The following FAM13A variants were observed in gnomAD, a reference collection of about 807,000 sequenced individuals.
FAM13A encodes the protein family with sequence similarity 13 member A.
In FAM13A, 76 loss-of-function variants were observed where a neutral mutation model predicts 129.6. That is an observed-to-expected ratio of 0.59 (90% CI 0.49 to 0.71). The LOEUF is 0.71. Among genes scored for constraint, FAM13A ranks in the 30% least tolerant of loss-of-function variants. FAM13A has a pLI of 0.00. For missense variants in FAM13A, 1,108 were observed against 1,249.3 expected, an observed-to-expected ratio of 0.89 and a Z score of 1.70; for synonymous variants, 443 against 449.9, an observed-to-expected ratio of 0.98 and a Z score of 0.20.
chr4:88,932,091 TA>T (rs1294390814), intron 5 of FAM13A, among the ~76,000 whole-genome samples: 1 of 152,220 alleles, frequency 6.6e-6, no homozygotes, highest in East Asian at 1.9e-4. Flanking sequence ...ACACTGACAC[TA>T]AGTTGCTACA....
At chr4:88,907,040 T>C (rs1265134951) in intron 5 of FAM13A, among the ~76,000 whole-genome samples, 1 of 152,246 alleles carries the variant, frequency 6.6e-6, no homozygotes, top group African/African-American at 2.4e-5. Flanking sequence ...GCCAAAATAA[T>C]GGCAGAAATT....
Position 89,056,809 on chromosome 4 carries a change from A to G in FAM13A, c.27+129T>C, listed in dbSNP as rs1772244240. ...CATTTAAGTAGATAGGAATTTAAGT[A>G]ACAAATCTTTCCCCACCTCCTGGGA... On this transcript the variant is annotated intron_variant, in intron 1 of 23. Coordinates refer to ENST00000264344, the MANE Select transcript of FAM13A (RefSeq NM_014883.4). 4.5e-6 allele frequency: 4 copies of G among 879,544 alleles called. No individual in the cohort carries two copies. In the South Asian group the frequency reaches 6.8e-5, roughly 15 times the overall value. The allele number at this position is 879,544 out of a possible 1,614,324, so 54.5% of individuals were successfully genotyped here.
At chr4:88,728,841 C>A in intron 23 of FAM13A, 182 bp from the exon 24 acceptor site, 1 of 598,156 alleles carries the variant, frequency 1.7e-6, no homozygotes. Context: ...GAAAATGTTT[C>A]ACCCAGAAGG....
At chr4:88,889,946 T>C (rs563803004) in intron 6 of FAM13A, among the ~76,000 whole-genome samples, 59 of 152,334 alleles carry the variant, frequency 3.9e-4, no homozygotes, top group African/African-American at 1.3e-3. Flanking sequence ...TTGGTCATAA[T>C]TGTAGAACAC....
chr4:88,760,237 G>A (rs1479204882), intron 13 of FAM13A, among the ~76,000 whole-genome samples: 1 of 152,284 alleles, frequency 6.6e-6, no homozygotes, highest in South Asian at 2.1e-4. Context: ...GATGCATGGA[G>A]ACATATTTTC....
At chr4:88,742,163 T>A (rs1045592128) in intron 19 of FAM13A, among the ~76,000 whole-genome samples, 1 of 152,190 alleles carries the variant, frequency 6.6e-6, no homozygotes, top group African/African-American at 2.4e-5. Context: ...ACTAGTTATT[T>A]GGCAGAAACA....
intron 4 of FAM13A, among the ~76,000 whole-genome samples, chr4:88,978,122 A>G (rs1761149606): frequency 6.6e-6 from 1 of 152,184 alleles, no homozygotes; most frequent in South Asian, 2.1e-4. Context: ...GACAACGATA[A>G]CATAGAAATC....
intron 4 of FAM13A, among the ~76,000 whole-genome samples, chr4:88,985,010 A>C (rs1223317638): frequency 2.0e-5 from 3 of 152,210 alleles, no homozygotes; most frequent in Non-Finnish European, 4.4e-5. Context: ...GCATCATTCG[A>C]AATAGCCAGA....
intron 3 of FAM13A, among the ~76,000 whole-genome samples, chr4:89,018,750 C>T (rs1438080994): frequency 6.6e-6 from 1 of 152,176 alleles, no homozygotes; most frequent in African/African-American, 2.4e-5. Flanking sequence ...CTAACTTTCC[C>T]AAGCCAAGTG....
intron 5 of FAM13A, among the ~76,000 whole-genome samples, chr4:88,933,158 TAAAG>T (rs767074197): frequency 1.4e-4 from 21 of 152,184 alleles, no homozygotes; most frequent in Non-Finnish European, 2.8e-4. Flanking sequence ...CACTGTCTAA[TAAAG>T]AAAGTCTTAT....
chr4:88,765,059 C>A (rs1745477643), intron 13 of FAM13A, among the ~76,000 whole-genome samples: 1 of 152,206 alleles, frequency 6.6e-6, no homozygotes, highest in Admixed American at 6.5e-5. Flanking sequence ...AGGCTGCAAG[C>A]TGATTATTTA....
chr4:88,972,621 G>GA (rs982582187), intron 4 of FAM13A, among the ~76,000 whole-genome samples: 1 of 150,398 alleles, frequency 6.6e-6, no homozygotes, highest in African/African-American at 2.4e-5. Flanking sequence ...TTTTTTTTGG[G>GA]GGGGAGAACA....
At chr4:88,911,654 A>G (rs1358471525) in intron 5 of FAM13A, among the ~76,000 whole-genome samples, 1 of 152,124 alleles carries the variant, frequency 6.6e-6, no homozygotes, top group South Asian at 2.1e-4. Context: ...AATTCCCTCC[A>G]TATGCACAGT....
At chr4:88,799,428 G>A (rs1726954549) in intron 8 of FAM13A, among the ~76,000 whole-genome samples, 1 of 151,964 alleles carries the variant, frequency 6.6e-6, no homozygotes, top group African/African-American at 2.4e-5. Context: ...AAATAGTATG[G>A]AAGTTCCTCA....
intron 4 of FAM13A, among the ~76,000 whole-genome samples, chr4:88,980,751 G>A (rs529782923): frequency 6.6e-6 from 1 of 151,986 alleles, no homozygotes; most frequent in South Asian, 2.1e-4. Flanking sequence ...GTAACTTTTG[G>A]GTTACAAACC....
rs115159507 is a variant in FAM13A at position 88,726,887 on chromosome 4, C to A, written c.*1646G>T. On this transcript the variant is annotated 3_prime_UTR_variant, in exon 24 of 24. Coordinates refer to ENST00000264344, the MANE Select transcript of FAM13A (RefSeq NM_014883.4). ...CCAACACATAGCTCAAGCTTCCATA[C>A]GATTAAGAGCAAACTTAAAGGCATT... The A allele has an allele frequency of 6.5e-6, 1 of 152,692 alleles. No homozygotes were observed. Among genetic ancestry groups the A allele is most frequent in the East Asian group, 1.9e-4 (1 of 5,188 alleles). 9.5% of individuals were successfully genotyped at this position (152,692 alleles called of 1,614,324 possible). A position where few individuals can be genotyped will look rare whatever the true frequency, so the allele number is the denominator to read the frequency against.
At chr4:88,972,758 C>A (rs1760307471) in intron 4 of FAM13A, among the ~76,000 whole-genome samples, 1 of 152,084 alleles carries the variant, frequency 6.6e-6, no homozygotes, top group African/African-American at 2.4e-5. Flanking sequence ...AGGTGTGCAC[C>A]ATCACACCTG....
At chr4:88,964,126 C>T (rs1759018024) in intron 4 of FAM13A, among the ~76,000 whole-genome samples, 1 of 152,210 alleles carries the variant, frequency 6.6e-6, no homozygotes, top group Non-Finnish European at 1.5e-5. Context: ...GATGTAGTCA[C>T]AGAGTGGATC....
At position 88,945,990 on chromosome 4, in the gene FAM13A, G is replaced by GTGTA; in HGVS notation, c.606-7750_606-7749insTACA. Among the ~76,000 whole-genome samples the GTGTA allele has an allele frequency of 4.5e-4, 28 of 61,942 alleles. 1 individual carries two copies. Among genetic ancestry groups the GTGTA allele is most frequent in the African/African-American group, 6.0e-4 (7 of 11,574 alleles). The allele number at this position is 61,942 out of a possible 152,430, so 40.6% of individuals were successfully genotyped here. ...TGTGTGTGTGTGTGTGTGTGTGTGT[G>GTGTA]TATATATATATATATATATATATAT... On this transcript the variant is annotated intron_variant, in intron 4 of 23. Coordinates refer to ENST00000264344, the MANE Select transcript of FAM13A (RefSeq NM_014883.4).
Sources: allele counts gnomAD v4.1 joint callset (sites outside exome capture counted in the v4.1 genomes callset), GRCh38; gene constraint gnomAD v4.1.1; transcripts MANE v1.5; gene names NCBI Gene and HGNC (gene_info 2026-07-23, HGNC 2026-07-21).